SCLT1: variants seen among roughly 807,000 people sequenced by gnomAD.
SCLT1 encodes the protein sodium channel and clathrin linker 1, also known as sodium channel-associated protein 1.
SCLT1 carries 78 observed loss-of-function variants against 112.8 expected under a neutral mutation model. The ratio of observed to expected loss-of-function variants is 0.69; its 90% CI spans 0.58 to 0.83. The LOEUF (loss-of-function observed/expected upper bound fraction) is 0.83, where lower values mean the gene tolerates loss of function less well. Among genes scored for constraint, SCLT1 ranks in the 40% least tolerant of loss-of-function variants. The pLI is 0.00. For synonymous variants in SCLT1, 257 were observed against 254.7 expected (o/e 1.01, Z -0.09); for missense variants, 747 against 770.4 (o/e 0.97, Z 0.36).
intron 5 of SCLT1, among the ~76,000 whole-genome samples, chr4:129,024,681 G>A (rs1169246124): frequency 2.6e-5 from 4 of 152,200 alleles, no homozygotes; most frequent in South Asian, 2.1e-4. Context: ...CACCAGCAAC[G>A]GAACAAAGCT....
chr4:128,945,939 A>G (rs1332805347), intron 16 of SCLT1, 68 bp downstream of exon 16: 1 of 1,055,076 alleles, frequency 9.5e-7, no homozygotes, highest in Non-Finnish European at 1.4e-6. Context: ...AAGAAAAGGT[A>G]GCGAATCTGT....
At chr4:129,058,201 G>T (rs895260108) in intron 2 of SCLT1, among the ~76,000 whole-genome samples, 13 of 151,756 alleles carry the variant, frequency 8.6e-5, no homozygotes, top group African/African-American at 3.1e-4. Context: ...TTTTGTATTG[G>T]TTTTTTAGTG....
chr4:128,933,707 CTT>C (rs1269337551), intron 18 of SCLT1, among the ~76,000 whole-genome samples: 1 of 152,050 alleles, frequency 6.6e-6, no homozygotes, highest in Non-Finnish European at 1.5e-5. Flanking sequence ...TAAAATACAT[CTT>C]GAGTTCATAA....
chr4:129,024,946 T>C (rs1229082860), intron 5 of SCLT1, among the ~76,000 whole-genome samples: 1 of 151,960 alleles, frequency 6.6e-6, no homozygotes. Flanking sequence ...AGAAAGGGTA[T>C]CAGTGATGGA....
intron 5 of SCLT1, among the ~76,000 whole-genome samples, chr4:129,028,022 A>G (rs1186044719): frequency 2.6e-5 from 4 of 152,196 alleles, no homozygotes; most frequent in Non-Finnish European, 5.9e-5. Flanking sequence ...CAATGAAATA[A>G]AAGAGGATAC....
At chr4:128,952,864 T>G in intron 13 of SCLT1, 24 bp from the exon 14 acceptor site, 1 of 1,145,448 alleles carries the variant, frequency 8.7e-7, no homozygotes, top group African/African-American at 1.5e-5. Context: ...CATTTACTCA[T>G]TATTTGGTTC....
chr4:129,079,040 G>C (rs1225174218), intron 2 of SCLT1, among the ~76,000 whole-genome samples: 1 of 152,016 alleles, frequency 6.6e-6, no homozygotes. Flanking sequence ...TCACTATCAG[G>C]GGAACAGCAA....
At chr4:128,922,614 C>T (rs1286108278) in intron 18 of SCLT1, among the ~76,000 whole-genome samples, 1 of 152,096 alleles carries the variant, frequency 6.6e-6, no homozygotes, top group Non-Finnish European at 1.5e-5. Context: ...TATACATGGA[C>T]ACAAAGAAGG....
intron 2 of SCLT1, among the ~76,000 whole-genome samples, chr4:129,064,494 C>T (rs183602716): frequency 2.6e-5 from 4 of 152,156 alleles, no homozygotes; most frequent in African/African-American, 4.8e-5. Flanking sequence ...AGTTCATTTT[C>T]GTATAAGTTT....
Position 129,070,105 on chromosome 4 carries a change from C to T in SCLT1, c.102+12201G>A, listed in dbSNP as rs144185629. Among the ~76,000 whole-genome samples, 1,262 of 152,286 alleles carry T rather than the reference C, an allele frequency of 8.3e-3. 7 individuals are homozygous for T. Among genetic ancestry groups the T allele is most frequent in the Non-Finnish European group, 0.015 (989 of 68,020 alleles). On this transcript the variant is annotated intron_variant, in intron 2 of 20. Coordinates refer to ENST00000281142, the MANE Select transcript of SCLT1 (RefSeq NM_144643.4). ...CCATCCCTGCAGCCCTGCTCTAAAA[C>T]CCACTTAATCATAGTGGATTATCTT...
At chr4:129,056,102 C>G (rs1277470439) in intron 2 of SCLT1, among the ~76,000 whole-genome samples, 1 of 152,194 alleles carries the variant, frequency 6.6e-6, no homozygotes, top group Non-Finnish European at 1.5e-5. Context: ...TGCTCACTCT[C>G]CATGGTCTGC....
chr4:129,011,827 G>A (rs1339363225), intron 5 of SCLT1, among the ~76,000 whole-genome samples: 1 of 152,112 alleles, frequency 6.6e-6, no homozygotes, highest in Non-Finnish European at 1.5e-5. Flanking sequence ...TGTGCATAGA[G>A]GTGTTCATAA....
intron 17 of SCLT1, among the ~76,000 whole-genome samples, chr4:128,942,791 T>C (rs1737811372): frequency 6.6e-6 from 1 of 152,102 alleles, no homozygotes; most frequent in South Asian, 2.1e-4. Context: ...TTTTTTTGTG[T>C]GTAGCAAAGG....
At chr4:128,949,988 TG>T (rs990261501) in intron 14 of SCLT1, among the ~76,000 whole-genome samples, 10 of 149,314 alleles carry the variant, frequency 6.7e-5, no homozygotes, top group African/African-American at 2.5e-4. Context: ...AAGCTTCTTT[TG>T]TGACCCAAAA....
rs1733078733 is a variant in SCLT1 at position 128,888,681 on chromosome 4, GC to G, written c.2001del (p.Gln667HisfsTer5). ...AGGGATAAGAGGATGCTCCCTACCT[GC>G]TGGGAAGCTGAAGCAGCTCTCTCTT... ...QAEERAASAS[Q>X]QLSVITVQRR... On this transcript the variant is annotated frameshift_variant, in exon 20 of 21. Coordinates refer to ENST00000281142, the MANE Select transcript of SCLT1 (RefSeq NM_144643.4). LOFTEE classifies it high-confidence loss of function. 2 of 1,599,718 alleles carry G rather than the reference GC, an allele frequency of 1.3e-6. No homozygotes were observed. The highest frequency in any genetic ancestry group is 1.7e-6 in the Non-Finnish European group (2 of 1,168,114).
chr4:129,057,809 T>G (rs1749572744), intron 2 of SCLT1, among the ~76,000 whole-genome samples: 1 of 151,970 alleles, frequency 6.6e-6, no homozygotes, highest in African/African-American at 2.4e-5. Flanking sequence ...TGGAGTGCAG[T>G]GGCATGATCT....
intron 9 of SCLT1, among the ~76,000 whole-genome samples, chr4:128,984,206 A>G (rs1040663254): frequency 5.3e-5 from 8 of 152,216 alleles, no homozygotes; most frequent in African/African-American, 1.9e-4. Context: ...TAATGTCCAC[A>G]CTAAATGAAT....
Position 128,946,076 on chromosome 4 carries a change from T to A in SCLT1, c.1370A>T (p.Glu457Val). 6.2e-7 allele frequency: 1 copy of A among 1,609,870 alleles called. No homozygotes were observed. Among genetic ancestry groups the A allele is most frequent in the Non-Finnish European group, 8.5e-7 (1 of 1,176,370 alleles). The change falls in exon 16 of 21, where the codon GAG becomes GTG. Residue 457 changes from glutamate (E) to valine (V), a missense_variant. Physicochemically the swap from Glu to Val is moderately radical, Grantham distance 121 (BLOSUM62 -2). Transcript: ENST00000281142. ...TAGCTGAAGATCATCTTTTGAACGC[T>A]CTGAAACCAGGAATCTTTGGTGCAT... is the stretch of plus-strand genomic sequence containing the variant. ...EEMHQRFLVS[E>V]RSKDDLQLRL...
chr4:129,047,651 T>C (rs1748311587), intron 2 of SCLT1, among the ~76,000 whole-genome samples: 2 of 152,100 alleles, frequency 1.3e-5, no homozygotes, highest in Admixed American at 6.6e-5. Context: ...CAGCATCCAT[T>C]ATTGCCTGTC....
Sources: gnomAD v4.1 joint callset for allele counts (sites outside exome capture counted in the v4.1 genomes callset) on GRCh38, gnomAD v4.1.1 for gene constraint, MANE v1.5 for transcripts, NCBI Gene and HGNC (gene_info 2026-07-23, HGNC 2026-07-21) for gene names.